Variants in CEP72 observed in about 807,000 individuals in gnomAD.
The protein encoded by CEP72 is centrosomal protein of 72 kDa.
Under a neutral mutation model 65.7 loss-of-function variants are expected in CEP72, and 78 were observed. The ratio of observed to expected loss-of-function variants is 1.19; its 90% confidence interval spans 0.99 to 1.43. CEP72 has a LOEUF of 1.43. Ranked by LOEUF, CEP72 falls within the 40% of genes most tolerant of loss-of-function variation. The pLI is 0.00. For missense variants in CEP72, 914 were observed against 832.9 expected (o/e 1.10, Z -1.20); for synonymous variants, 358 against 351.7 (o/e 1.02, Z -0.20).
Position 633,929 on chromosome 5 carries a change from G to C in CEP72, c.673G>C (p.Asp225His), listed in dbSNP as rs769966410. 37 of 1,611,972 alleles carry C rather than the reference G, an allele frequency of 2.3e-5. No homozygotes were observed. Among genetic ancestry groups the C allele is most frequent in the Non-Finnish European group, 3.1e-5 (37 of 1,180,032 alleles). ...TSFSQKGREA[D>H]SRGSQESRHL... ...CTTCAGCCAGAAGGGGCGTGAGGCCGACTCTCGTGGTTCCCAAGGTGCGCT... is the reference window on the plus strand; with the variant it reads ...CTTCAGCCAGAAGGGGCGTGAGGCCCACTCTCGTGGTTCCCAAGGTGCGCT... Residue 225 changes from aspartate to histidine, a missense_variant, in exon 5 of 12, where the codon GAC becomes CAC. Asp to His is a moderately conservative substitution (Grantham distance 81). Coordinates refer to ENST00000264935, the MANE Select transcript of CEP72 (RefSeq NM_018140.4).
chr5:628,546 G>A (rs36196480), intron 4 of CEP72, among the ~76,000 whole-genome samples: 1 of 148,856 alleles, frequency 6.7e-6, no homozygotes, highest in South Asian at 2.2e-4. Context: ...GGAGAACTCA[G>A]GTTGCAGTCC....
chr5:659,462 T>G (rs754025737), downstream of CEP72, among the ~76,000 whole-genome samples: 9 of 152,264 alleles, frequency 5.9e-5, no homozygotes, highest in Non-Finnish European at 1.0e-4. Flanking sequence ...AATGCCTTTA[T>G]TGTATCCTCA....
At chr5:628,550 G>A (rs879225823) in intron 4 of CEP72, among the ~76,000 whole-genome samples, 129 of 110,256 alleles carry the variant, frequency 1.2e-3, no homozygotes, top group African/African-American at 2.7e-3. Flanking sequence ...AACTCAGGTT[G>A]CAGTCCCCGG....
At chr5:672,750 C>T in the CEP72 span, among the ~76,000 whole-genome samples, 2 of 152,276 alleles carry the variant, frequency 1.3e-5, no homozygotes, top group African/African-American at 2.4e-5. Context: ...CCGGTCCCGC[C>T]TGTGCACGCT....
In CEP72 at chr5:644,421, CG is replaced by C; in HGVS notation, c.1663del (p.Ala555LeufsTer7). 1 of 1,613,628 alleles carries C rather than the reference CG, an allele frequency of 6.2e-7. No homozygotes were observed. The highest frequency in any genetic ancestry group is 2.2e-5 in the East Asian group (1 of 44,872). ...CTGCAGCCACGTTAAATTTGCAGATCGCTGGTAAGTTGATCGTGTATTTGGT... is the reference window on the plus strand; with the variant it reads ...CTGCAGCCACGTTAAATTTGCAGATCCTGGTAAGTTGATCGTGTATTTGGT... ...DTAATLNLQI[A>X]GLQTSVKRLC... is the part of the protein sequence containing the mutation. On this transcript the variant is annotated frameshift_variant, in exon 10 of 12. Transcript: ENST00000264935. LOFTEE classifies it high-confidence loss of function.
At chr5:640,167 C>T (rs953224246) in intron 8 of CEP72, among the ~76,000 whole-genome samples, 4 of 152,340 alleles carry the variant, frequency 2.6e-5, no homozygotes, top group African/African-American at 7.2e-5. Flanking sequence ...TGAGACGTGG[C>T]GGCCCCTGGT....
At position 665,846 on chromosome 5, in the gene CEP72, A is replaced by AC. The variant is rs35212980; in HGVS notation, n.434-87dup. ...CGCCCTCCTGACCACGCCTCCCAGGACCCCCCCCAGGTCACGCCCCCAATC... is the reference window on the plus strand; with the variant it reads ...CGCCCTCCTGACCACGCCTCCCAGGACCCCCCCCCAGGTCACGCCCCCAATC... On this transcript the variant is annotated intron_variant and non_coding_transcript_variant, in intron 3 of 4. Transcript: ENST00000514507. 170 of 111,492 alleles carry AC rather than the reference A, an allele frequency of 1.5e-3. 1 individual carries two copies. The highest frequency in any genetic ancestry group is 5.1e-3 in the Middle Eastern group (1 of 196). 6.9% of individuals were successfully genotyped at this position (111,492 alleles called of 1,614,324 possible).
intron 3 of CEP72, among the ~76,000 whole-genome samples, chr5:621,759 G>A (rs964653964): frequency 6.6e-6 from 1 of 152,352 alleles, no homozygotes; most frequent in South Asian, 2.1e-4. Context: ...ACATGTGTTT[G>A]TATATGGAAT....
At chr5:662,020 G>C (rs1739634789), downstream of CEP72, 1 of 152,514 alleles carries the variant, frequency 6.6e-6, no homozygotes, top group Admixed American at 6.5e-5. Context: ...AGGACGGGCA[G>C]GGTGCCACAG....
downstream of CEP72, among the ~76,000 whole-genome samples, chr5:659,621 C>T (rs1739500044): frequency 1.3e-5 from 2 of 152,240 alleles, no homozygotes; most frequent in African/African-American, 4.8e-5. Flanking sequence ...CCCAGGGCTA[C>T]ACCAGTGCTA....
In CEP72 at chr5:623,820, A is replaced by G. The variant is rs1736556665; in HGVS notation, c.404-651A>G. ...TCTGCTTTGAACATTATATTATGCT[A>G]TTACTCACTCATTTCTTACAGTGAT... On this transcript the variant is annotated intron_variant, in intron 3 of 11. Transcript: ENST00000264935. This position sits in a 1 kb window ranked among gnomAD's most constrained non-coding sequence, Gnocchi z 5.3. Among the ~76,000 whole-genome samples, 2 of 151,990 alleles carry G rather than the reference A, an allele frequency of 1.3e-5. No homozygotes were observed.
chr5:635,422 T>C lies in CEP72; in HGVS notation c.742T>C (p.Ser248Pro). Residue 248 changes from serine to proline, a missense_variant, in exon 6 of 12, where the codon TCT (serine) becomes CCT (proline). Transcript: ENST00000264935. ...GTTGGTACAGTACCAGTGTGGGGACTCTGGGAAGCAGGGCCGTGAGACGAG... is the reference window on the plus strand; with the variant it reads ...GTTGGTACAGTACCAGTGTGGGGACCCTGGGAAGCAGGGCCGTGAGACGAG... Reference protein sequence around the residue: ...PQLVQYQCGDSGKQGRETRRS... With the variant: ...PQLVQYQCGDPGKQGRETRRS... 6.2e-7 allele frequency: 1 copy of C among 1,613,862 alleles called. No homozygotes were observed. The highest frequency in any genetic ancestry group is 8.5e-7 in the Non-Finnish European group (1 of 1,179,698).
At chr5:675,040 G>A in the CEP72 span, among the ~76,000 whole-genome samples, 1 of 96,920 alleles carries the variant, frequency 1.0e-5, no homozygotes, top group Non-Finnish European at 2.1e-5. Context: ...AGTGAGGGGG[G>A]TACAGTATGG....
At chr5:669,450 T>C (rs564192996), downstream of CEP72, among the ~76,000 whole-genome samples, 5 of 152,088 alleles carry the variant, frequency 3.3e-5, no homozygotes, top group Non-Finnish European at 7.4e-5. Flanking sequence ...ACAGTGCCCA[T>C]TGGGCCCTGT....
chr5:675,513 A>G, the CEP72 span, among the ~76,000 whole-genome samples: 512 of 30,742 alleles, frequency 0.017, 23 homozygotes, highest in African/African-American at 0.098. Context: ...CTGCAGTGTG[A>G]CCAGGGGTGC....
Position 619,097 on chromosome 5 carries a change from A to C in CEP72, c.190A>C (p.Asn64His), listed in dbSNP as rs148817472. 451 of 1,613,714 alleles carry C rather than the reference A, an allele frequency of 2.8e-4. 2 individuals carry two copies. In the African/African-American group the frequency reaches 4.8e-3, roughly 17 times the overall value. Residue 64 changes from asparagine to histidine, a missense_variant, in exon 2 of 12, where the codon AAC (asparagine) becomes CAC (histidine). Transcript: ENST00000264935. ...TGLKSLDLSR[N>H]SLVSLEGIQY... ...TCTGAAATCTTTGGATCTCTCGCGC[A>C]ACTCCTTGGTTAGTCTGGAGGTAAG...
downstream of CEP72, among the ~76,000 whole-genome samples, chr5:654,884 G>A (rs753308353): frequency 8.7e-6 from 1 of 115,380 alleles, no homozygotes; most frequent in Non-Finnish European, 2.2e-5. Flanking sequence ...CTGTTAGACT[G>A]TGATACTGTC....
the CEP72 span, among the ~76,000 whole-genome samples, chr5:673,878 T>A: frequency 6.6e-6 from 1 of 152,216 alleles, no homozygotes; most frequent in South Asian, 2.1e-4. Context: ...CCCATCATTC[T>A]CCAAATGAGC....
chr5:668,378 G>A (rs572033860), downstream of CEP72, among the ~76,000 whole-genome samples: 5 of 103,306 alleles, frequency 4.8e-5, 1 homozygote, highest in African/African-American at 2.1e-4. Context: ...AGGGGTCCGC[G>A]TGGGCCTCGT....
Sources: allele counts gnomAD v4.1 joint callset (sites outside exome capture counted in the v4.1 genomes callset), GRCh38; gene constraint gnomAD v4.1.1; non-coding constraint Gnocchi (gnomAD v3.1); transcripts MANE v1.5; gene names NCBI Gene and HGNC (gene_info 2026-07-23, HGNC 2026-07-21).